ENOX1: variants seen among roughly 807,000 people sequenced by gnomAD.
ENOX1 encodes ecto-NOX disulfide-thiol exchanger 1.
In ENOX1, 42 loss-of-function variants were observed where a neutral mutation model predicts 82.5. That is an observed-to-expected ratio of 0.51 (90% CI 0.40 to 0.66). The LOEUF (loss-of-function observed/expected upper bound fraction) is 0.66, where lower values mean the gene tolerates loss of function less well. Among genes scored for constraint, ENOX1 ranks in the 30% least tolerant of loss-of-function variants. ENOX1 has a pLI of 0.00. For missense variants in ENOX1, 608 were observed against 811.6 expected, an observed-to-expected ratio of 0.75 and a Z score of 3.05; for synonymous variants, 271 against 282.2, an observed-to-expected ratio of 0.96 and a Z score of 0.40.
At chr13:43,512,398 C>T (rs2077402148) in intron 2 of ENOX1, among the ~76,000 whole-genome samples, 1 of 152,072 alleles carries the variant, frequency 6.6e-6, no homozygotes, top group Admixed American at 6.6e-5. Context: ...AAAAAAGCAA[C>T]ATTCTGACAT....
rs375750647 is a variant in ENOX1, at chr13:43,628,281, A to G, written c.-219+39198T>C. ...CCCACAGGTCTGTGAGGTGCTGTTC[A>G]TTATTTGCTTATCATTATTCTCTTT... On this transcript the variant is annotated intron_variant, in intron 2 of 16. Transcript: ENST00000690772. Among the ~76,000 whole-genome samples, 252 of 152,194 alleles carry G rather than the reference A, an allele frequency of 1.7e-3. 1 individual carries two copies. The highest frequency in any genetic ancestry group is 4.8e-3 in the African/African-American group (201 of 41,546).
chr13:43,308,230 G>A (rs1341179598), intron 11 of ENOX1, among the ~76,000 whole-genome samples: 1 of 152,112 alleles, frequency 6.6e-6, no homozygotes, highest in Non-Finnish European at 1.5e-5. Context: ...GACCTGTGAG[G>A]GGACTTCTCC....
chr13:43,426,950 C>A (rs2055343680), intron 3 of ENOX1, among the ~76,000 whole-genome samples: 1 of 152,156 alleles, frequency 6.6e-6, no homozygotes, highest in Admixed American at 6.6e-5. Context: ...ATAGGGGTCA[C>A]CACCTTCATT....
At position 43,411,057 on chromosome 13, in the gene ENOX1, C is replaced by G. The variant is rs187029256; in HGVS notation, c.208+859G>C. Among the ~76,000 whole-genome samples, 22 of 152,222 alleles carry G rather than the reference C, an allele frequency of 1.4e-4. No individual in the cohort carries two copies. In the East Asian group the frequency reaches 4.1e-3, roughly 28 times the overall value. ...TCATCTCTCCAGACTTAGCTCAAGC[C>G]CCACCTTCCTGATAACATCTTTCCT... is the stretch of plus-strand genomic sequence containing the variant. On this transcript the variant is annotated intron_variant, in intron 5 of 16. Transcript: ENST00000690772.
intron 2 of ENOX1, among the ~76,000 whole-genome samples, chr13:43,621,697 TCTTAA>T (rs2082738625): frequency 6.6e-6 from 1 of 152,188 alleles, no homozygotes; most frequent in Non-Finnish European, 1.5e-5. Flanking sequence ...CGTTCCTTCA[TCTTAA>T]CTTTGGATAA....
chr13:43,396,020 C>T (rs2053122672), intron 5 of ENOX1, among the ~76,000 whole-genome samples: 1 of 152,158 alleles, frequency 6.6e-6, no homozygotes, highest in African/African-American at 2.4e-5. Flanking sequence ...ATAGCATGTA[C>T]CCCGGTTACC....
At chr13:43,709,533 G>A (rs1185750066) in intron 1 of ENOX1, among the ~76,000 whole-genome samples, 2 of 151,566 alleles carry the variant, frequency 1.3e-5, no homozygotes, top group Non-Finnish European at 2.9e-5. Flanking sequence ...ACACAAAAAA[G>A]GGAAACAATG....
chr13:43,258,762 C>T (rs186344367), intron 14 of ENOX1, among the ~76,000 whole-genome samples: 2 of 152,292 alleles, frequency 1.3e-5, no homozygotes, highest in African/African-American at 4.8e-5. Flanking sequence ...TTGTGCCCCA[C>T]TCCTACTAGA....
At chr13:43,636,413 G>A (rs146772450) in intron 2 of ENOX1, among the ~76,000 whole-genome samples, 1 of 152,124 alleles carries the variant, frequency 6.6e-6, no homozygotes, top group Admixed American at 6.5e-5. Flanking sequence ...CCAGGTTCCA[G>A]TGTAACTTGC....
chr13:43,577,140 CTTTTT>C, intron 2 of ENOX1, among the ~76,000 whole-genome samples: 1 of 134,476 alleles, frequency 7.4e-6, no homozygotes, highest in South Asian at 2.4e-4. Context: ...TTTTTTTTTT[CTTTTT>C]TTTTGAGACA....
chr13:43,722,600 T>C (rs1430996621), intron 1 of ENOX1, among the ~76,000 whole-genome samples: 3 of 152,204 alleles, frequency 2.0e-5, no homozygotes, highest in African/African-American at 4.8e-5. Context: ...TGGTAGATAT[T>C]GTTTATTGGT....
At chr13:43,383,733 C>A (rs1217517495) in intron 5 of ENOX1, among the ~76,000 whole-genome samples, 1 of 152,148 alleles carries the variant, frequency 6.6e-6, no homozygotes, top group East Asian at 1.9e-4. Flanking sequence ...ACACCATTAC[C>A]ATCAACAGGA....
chr13:43,499,242 G>A (rs2076895315), intron 2 of ENOX1, among the ~76,000 whole-genome samples: 1 of 151,824 alleles, frequency 6.6e-6, no homozygotes, highest in African/African-American at 2.4e-5. Flanking sequence ...TCCTAGACTG[G>A]ATCCTGGAAC....
rs769606863 is a variant in ENOX1, at chr13:43,269,451, A to G, written c.1554+19T>C. On this transcript the variant is annotated intron_variant, in intron 13 of 16. Coordinates refer to ENST00000690772, the MANE Select transcript of ENOX1 (RefSeq NM_001347969.2). ...GTGTTTGGACTGATTCATAAATCAG[A>G]GCTGTTTCATTCACTTACTTGTTCC... 3.8e-6 allele frequency: 6 copies of G among 1,586,460 alleles called. No individual in the cohort carries two copies. The highest frequency in any genetic ancestry group is 5.2e-6 in the Non-Finnish European group (6 of 1,154,922).
At chr13:43,358,920 G>T (rs2050319638) in intron 7 of ENOX1, among the ~76,000 whole-genome samples, 1 of 152,196 alleles carries the variant, frequency 6.6e-6, no homozygotes, top group African/African-American at 2.4e-5. Flanking sequence ...GGGTTTTAAA[G>T]TTCTCCATAT....
chr13:43,259,501 T>A (rs1053773165), intron 14 of ENOX1, among the ~76,000 whole-genome samples: 17 of 152,148 alleles, frequency 1.1e-4, no homozygotes, highest in African/African-American at 3.9e-4. Flanking sequence ...GACAGAGTCT[T>A]GCTGTAGCCC....
intron 2 of ENOX1, among the ~76,000 whole-genome samples, chr13:43,655,230 A>G (rs922710460): frequency 1.4e-4 from 22 of 152,238 alleles, no homozygotes; most frequent in African/African-American, 4.8e-4. Flanking sequence ...TTGGTTTAGC[A>G]AAGTTCTATG....
chr13:43,492,534 A>C (rs1486704305), intron 2 of ENOX1, among the ~76,000 whole-genome samples: 6 of 152,190 alleles, frequency 3.9e-5, no homozygotes, highest in Admixed American at 1.3e-4. Flanking sequence ...ATTAGAACTA[A>C]AACTTAACCC....
intron 14 of ENOX1, among the ~76,000 whole-genome samples, chr13:43,240,764 T>A (rs886674106): frequency 2.0e-5 from 3 of 152,244 alleles, no homozygotes; most frequent in African/African-American, 4.8e-5. Context: ...GGAAGTAGGA[T>A]GTGCACGTTT....
Sources: gnomAD v4.1 joint callset for allele counts (sites outside exome capture counted in the v4.1 genomes callset) on GRCh38, gnomAD v4.1.1 for gene constraint, MANE v1.5 for transcripts, NCBI Gene and HGNC (gene_info 2026-07-23, HGNC 2026-07-21) for gene names.